WAS: variants seen among roughly 807,000 people sequenced by gnomAD.
The protein encoded by WAS is actin nucleation-promoting factor WAS.
Under a neutral mutation model 38.9 loss-of-function variants are expected in WAS, and 1 was observed. That is an observed-to-expected ratio of 0.03 (90% confidence interval 0.01 to 0.12). WAS has a LOEUF of 0.12. Among genes scored for constraint, WAS ranks in the 10% least tolerant of loss-of-function variants. WAS has a pLI of 1.00. For synonymous variants in WAS, 182 were observed against 173.6 expected (o/e 1.05, Z -0.38); for missense variants, 311 against 431.2 (o/e 0.72, Z 2.47).
At chrX:48,690,951 C>T (rs1480324654) in intron 11 of WAS, among the ~76,000 whole-genome samples, 156 bp from the exon 12 acceptor site, 3 of 110,380 alleles carry the variant, frequency 2.7e-5, no homozygotes, top group African/African-American at 9.9e-5. Flanking sequence ...GAACTCAGAC[C>T]CCAACTATAA....
In WAS at chrX:48,686,161, C is replaced by T. The variant is rs781969149; in HGVS notation, c.559+27C>T. 9.9e-6 allele frequency: 12 copies of T among 1,206,618 alleles called. No individual in the cohort carries two copies. The South Asian group carries it at 2.1e-4, about 21-fold the overall frequency. ...TGCGTGCTGATTCTTCCCTGTGTCTCTGGATGGATGGGTAAGAGTGGATGG... is the reference window on the plus strand; with the variant it reads ...TGCGTGCTGATTCTTCCCTGTGTCTTTGGATGGATGGGTAAGAGTGGATGG... On this transcript the variant is annotated intron_variant, in intron 6 of 11. Transcript: ENST00000376701.
upstream of WAS, among the ~76,000 whole-genome samples, chrX:48,682,516 A>G (rs1263203298): frequency 2.7e-5 from 3 of 112,289 alleles, no homozygotes; most frequent in Non-Finnish European, 3.8e-5. Context: ...TTTGAAGATT[A>G]TGTGCTTTTA....
intron 11 of WAS, among the ~76,000 whole-genome samples, chrX:48,690,125 C>A (rs1461714573): frequency 1.8e-5 from 2 of 111,463 alleles, no homozygotes; most frequent in East Asian, 5.6e-4. Context: ...CTAATCTAAT[C>A]TTTTAAAAAA....
chrX:48,677,351 G>A (rs2062393177), intron 1 of WAS, among the ~76,000 whole-genome samples: 1 of 111,137 alleles, frequency 9.0e-6, no homozygotes, highest in Non-Finnish European at 1.9e-5. Flanking sequence ...TTGAGGGAGG[G>A]GGGAATCTAG....
chrX:48,686,271 A>G, intron 6 of WAS, 137 bp downstream of exon 6: 1 of 727,909 alleles, frequency 1.4e-6, no homozygotes. Context: ...AGGTGCATGG[A>G]TGTGTGGACT....
intron 1 of WAS, among the ~76,000 whole-genome samples, chrX:48,677,787 C>A (rs2864979): frequency 2.7e-5 from 3 of 112,323 alleles, no homozygotes; most frequent in Non-Finnish European, 5.6e-5. Flanking sequence ...CTGGCCCCTG[C>A]GCACCCTGAG....
upstream of WAS, among the ~76,000 whole-genome samples, chrX:48,682,964 G>A (rs2062406221): frequency 9.0e-6 from 1 of 111,133 alleles, no homozygotes; most frequent in Non-Finnish European, 1.9e-5. Flanking sequence ...GCAAGGGTAA[G>A]GGATGGGGAA....
At position 48,688,796 on chromosome X, in the gene WAS, C is replaced by T; in HGVS notation, c.1068C>T (p.Pro356=). The T allele has an allele frequency of 8.9e-7, 1 of 1,118,930 alleles. No individual in the cohort carries two copies. Among genetic ancestry groups the T allele is most frequent in the African/African-American group, 1.8e-5 (1 of 55,213 alleles). 92.2% of individuals were successfully genotyped at this position (1,118,930 alleles called of 1,213,427 possible). A position where few individuals can be genotyped will look rare whatever the true frequency, so the allele number is the denominator to read the frequency against. ...GGATTGCCCCACCCCCACCAACACC[C>T]CGGGGACCCCCACCCCCAGGCCGAG... The part of the protein sequence containing the change: ...PLGIAPPPPT[P]RGPPPPGRGG... The change falls in exon 10 of 12, where the codon CCC becomes CCT. Residue 356 remains proline (P), a synonymous_variant. Coordinates refer to ENST00000376701, the MANE Select transcript of WAS (RefSeq NM_000377.3).
chrX:48,687,614 G>A (rs1340229232), intron 7 of WAS, among the ~76,000 whole-genome samples: 3 of 110,794 alleles, frequency 2.7e-5, no homozygotes, highest in East Asian at 5.7e-4. Context: ...TAAGTGAACA[G>A]AAGTGTGTGG....
At chrX:48,677,778 T>C (rs1557005393) in intron 1 of WAS, among the ~76,000 whole-genome samples, 2 of 110,956 alleles carry the variant, frequency 1.8e-5, no homozygotes. Flanking sequence ...GCAAGGGAGC[T>C]GGCCCCTGCG....
chrX:48,688,670 G>A lies in WAS; in HGVS notation c.942G>A (p.Pro314=), dbSNP rs1557007106. 9.1e-6 allele frequency: 11 copies of A among 1,204,514 alleles called. No individual in the cohort carries two copies. The highest frequency in any genetic ancestry group is 2.2e-5 in the Admixed American group (1 of 45,469). Residue 314 remains proline (P), a synonymous_variant, in exon 10 of 12, where the codon CCG becomes CCA. Transcript: ENST00000376701. ...RQEMRRQEPL[P]PPPPPSRGGN... is the part of the protein sequence containing the mutation. ...ATACCCCCTCCACAGAGCCACTTCC[G>A]CCGCCCCCACCGCCATCTCGAGGAG...
rs928562174 is a variant in WAS, at chrX:48,686,890, T to C, written c.669T>C (p.Ala223=). 8.3e-7 allele frequency: 1 copy of C among 1,211,651 alleles called. No homozygotes were observed. The highest frequency in any genetic ancestry group is 1.7e-5 in the African/African-American group (1 of 57,784). The change falls in exon 7 of 12, where the codon GCT becomes GCC. Residue 223 remains alanine (A), a synonymous_variant. Coordinates refer to ENST00000376701, the MANE Select transcript of WAS (RefSeq NM_000377.3). Reference sequence around the variant, plus strand: ...TCCCAGCACCTGGACCTAGCCCAGCTGATAAGAAACGCTCAGGGAAGAAGA... The same window carrying C: ...TCCCAGCACCTGGACCTAGCCCAGCCGATAAGAAACGCTCAGGGAAGAAGA... ...RGLPAPGPSP[A]DKKRSGKKKI... is the part of the protein sequence containing the mutation.
intron 11 of WAS, 181 bp downstream of exon 11, chrX:48,689,615 T>C: frequency 4.3e-6 from 2 of 464,761 alleles, no homozygotes; most frequent in Non-Finnish European, 7.7e-6. Flanking sequence ...GACAATAATA[T>C]AATTAACTCC....
rs782677027 is a variant in WAS at position 48,691,274 on chromosome X, C to A, written c.*112C>A. 5.0e-5 allele frequency: 36 copies of A among 718,310 alleles called. 1 individual carries two copies. The Admixed American group carries it at 7.9e-4, about 16-fold the overall frequency. 59.2% of individuals were successfully genotyped at this position (718,310 alleles called of 1,213,427 possible). The stretch of plus-strand genomic sequence containing the variant: ...CTTCCAGGCCCCCAACCCCCCATTT[C>A]TTCCCCACCAACCCCTCCAATGCTG... On this transcript the variant is annotated 3_prime_UTR_variant, in exon 12 of 12. Coordinates refer to ENST00000376701, the MANE Select transcript of WAS (RefSeq NM_000377.3).
At chrX:48,682,581 G>C (rs2062404191), upstream of WAS, among the ~76,000 whole-genome samples, 1 of 112,246 alleles carries the variant, frequency 8.9e-6, no homozygotes, top group Admixed American at 9.5e-5. Context: ...ATTCATATAT[G>C]ATATAAAGTT....
upstream of WAS, among the ~76,000 whole-genome samples, chrX:48,681,706 C>T (rs782551413): frequency 1.8e-5 from 2 of 112,429 alleles, no homozygotes; most frequent in Non-Finnish European, 3.8e-5. Context: ...AAGGCCACAT[C>T]GGGGCTTGCC....
intron 11 of WAS, chrX:48,689,654 C>A: frequency 2.3e-6 from 1 of 433,308 alleles, no homozygotes; most frequent in South Asian, 3.3e-5. Context: ...AACATTAATG[C>A]CAGGGTGTGT....
chrX:48,690,173 G>A (rs1557007568), intron 11 of WAS, among the ~76,000 whole-genome samples: 3 of 111,183 alleles, frequency 2.7e-5, no homozygotes, highest in East Asian at 2.8e-4. Flanking sequence ...GTCCCAGGCT[G>A]GAGTACAGTG....
intron 7 of WAS, 86 bp from the exon 8 acceptor site, chrX:48,687,968 G>T: frequency 1.0e-6 from 1 of 996,403 alleles, no homozygotes; most frequent in Non-Finnish European, 1.4e-6. Flanking sequence ...GAGTCTCTTT[G>T]GGCAGGAGAG....
Sources: gnomAD v4.1 joint callset for allele counts (sites outside exome capture counted in the v4.1 genomes callset) on GRCh38, gnomAD v4.1.1 for gene constraint, MANE v1.5 for transcripts, NCBI Gene and HGNC (gene_info 2026-07-23, HGNC 2026-07-21) for gene names.